Variants in IL1RAPL1 observed in about 807,000 individuals in gnomAD.
IL1RAPL1 encodes interleukin 1 receptor accessory protein like 1, also known as interleukin-1 receptor accessory protein-like 1.
A neutral mutation model predicts 48.4 loss-of-function variants in IL1RAPL1; 3 were observed. The ratio of observed to expected loss-of-function variants is 0.06; its 90% CI spans 0.03 to 0.16. IL1RAPL1 has a LOEUF of 0.16. IL1RAPL1 is among the 10% of genes least tolerant of loss of function. The pLI is 1.00. For synonymous variants in IL1RAPL1, 185 were observed against 187.7 expected (o/e 0.99, Z 0.12); for missense variants, 349 against 530.6 (o/e 0.66, Z 3.36).
intron 2 of IL1RAPL1, among the ~76,000 whole-genome samples, chrX:28,955,537 A>G (rs1199983819): frequency 1.8e-5 from 2 of 109,629 alleles, no homozygotes; most frequent in African/African-American, 6.7e-5. Flanking sequence ...TAAATAGGGA[A>G]TCCTTTCCCC....
chrX:29,480,291 CATATAT>C (rs61703733), intron 5 of IL1RAPL1, among the ~76,000 whole-genome samples: 29 of 76,572 alleles, frequency 3.8e-4, no homozygotes, highest in African/African-American at 1.3e-3. Flanking sequence ...CACACATATA[CATATAT>C]ATATATATAT....
intron 5 of IL1RAPL1, among the ~76,000 whole-genome samples, chrX:29,449,780 C>CACACACACACAGAG (rs557765024): frequency 1.2e-4 from 7 of 58,247 alleles, no homozygotes; most frequent in South Asian, 2.3e-3. Flanking sequence ...CACACACACA[C>CACACACACACAGAG]AGAGAGAGAG....
intron 8 of IL1RAPL1, among the ~76,000 whole-genome samples, chrX:29,940,210 G>GCA (rs1309739807): frequency 3.6e-5 from 4 of 110,180 alleles, no homozygotes; most frequent in African/African-American, 6.6e-5. Context: ...GACATCACCT[G>GCA]CACACACACA....
intron 6 of IL1RAPL1, among the ~76,000 whole-genome samples, chrX:29,816,182 C>A (rs1317947867): frequency 9.0e-6 from 1 of 110,669 alleles, no homozygotes; most frequent in East Asian, 2.8e-4. Flanking sequence ...CTAGTTAGAT[C>A]AACAAAGAAA....
chrX:28,766,539 A>G (rs1283349187), intron 1 of IL1RAPL1, among the ~76,000 whole-genome samples: 1 of 111,646 alleles, frequency 9.0e-6, no homozygotes, highest in Non-Finnish European at 1.9e-5. Flanking sequence ...TGTGTTAAAA[A>G]TAATCCAATT....
intron 2 of IL1RAPL1, among the ~76,000 whole-genome samples, chrX:29,246,635 T>C (rs1403592493): frequency 8.9e-6 from 1 of 112,098 alleles, no homozygotes; most frequent in Admixed American, 9.5e-5. Context: ...CAGAGAATAC[T>C]TTTGCTTTCA....
At chrX:28,849,755 C>T (rs1447142085) in intron 2 of IL1RAPL1, among the ~76,000 whole-genome samples, 1 of 111,770 alleles carries the variant, frequency 8.9e-6, no homozygotes, top group Non-Finnish European at 1.9e-5. Flanking sequence ...TCTTGCTCAT[C>T]TTTATCCCCT....
At chrX:29,758,812 C>G (rs958152581) in intron 6 of IL1RAPL1, among the ~76,000 whole-genome samples, 1 of 110,647 alleles carries the variant, frequency 9.0e-6, no homozygotes, top group Non-Finnish European at 1.9e-5. Context: ...ACAAAACAAA[C>G]AAACAAAAAA....
chrX:29,608,993 T>C (rs1924009676), intron 5 of IL1RAPL1, among the ~76,000 whole-genome samples: 1 of 111,776 alleles, frequency 8.9e-6, no homozygotes, highest in Admixed American at 9.4e-5. Flanking sequence ...CACGCTATAA[T>C]TATCAATATA....
intron 5 of IL1RAPL1, among the ~76,000 whole-genome samples, chrX:29,519,920 C>CCTTG (rs758399993): frequency 8.9e-6 from 1 of 111,884 alleles, no homozygotes; most frequent in East Asian, 2.8e-4. Flanking sequence ...TTTCATGCAT[C>CCTTG]CTTGCCTCAC....
rs536204104 is a variant in IL1RAPL1, at chrX:28,748,248, C to T, written c.-24-41072C>T. ...TTTTGCTGTCCGTAAAATCAAAATACGATGAGAAGCCATATGACAGTAAGA... is the reference window on the plus strand; with the variant it reads ...TTTTGCTGTCCGTAAAATCAAAATATGATGAGAAGCCATATGACAGTAAGA... On this transcript the variant is annotated intron_variant, in intron 1 of 10. Coordinates refer to ENST00000378993, the MANE Select transcript of IL1RAPL1 (RefSeq NM_014271.4). Among the ~76,000 whole-genome samples the T allele has an allele frequency of 1.2e-4, 13 of 111,521 alleles. No individual in the cohort carries two copies. The East Asian group carries it at 1.4e-3, about 12-fold the overall frequency.
intron 6 of IL1RAPL1, among the ~76,000 whole-genome samples, chrX:29,796,138 C>T (rs1245064522): frequency 1.8e-5 from 2 of 111,831 alleles, no homozygotes; most frequent in African/African-American, 6.5e-5. Flanking sequence ...AAACTGTTTT[C>T]CTATAATCAG....
At chrX:29,641,363 T>C (rs185819691) in intron 5 of IL1RAPL1, among the ~76,000 whole-genome samples, 151 of 112,647 alleles carry the variant, frequency 1.3e-3, no homozygotes, top group African/African-American at 4.7e-3. Context: ...GGCCTTTTCA[T>C]TTCTCTTCGA....
At chrX:29,722,514 T>C (rs1927661986) in intron 6 of IL1RAPL1, among the ~76,000 whole-genome samples, 1 of 112,030 alleles carries the variant, frequency 8.9e-6, no homozygotes, top group African/African-American at 3.2e-5. Context: ...TTTAACCCAA[T>C]TTTGAGTGAT....
At chrX:29,425,379 A>C (rs1934338424) in intron 5 of IL1RAPL1, among the ~76,000 whole-genome samples, 1 of 111,254 alleles carries the variant, frequency 9.0e-6, no homozygotes, top group African/African-American at 3.3e-5. Context: ...GGAGCTAGTC[A>C]AGACAGAAGG....
At chrX:29,083,120 A>AG (rs1054878688) in intron 2 of IL1RAPL1, among the ~76,000 whole-genome samples, 9 of 111,920 alleles carry the variant, frequency 8.0e-5, no homozygotes, top group African/African-American at 2.9e-4. Context: ...TTTCATGGAA[A>AG]TCAGTGACAG....
intron 6 of IL1RAPL1, among the ~76,000 whole-genome samples, chrX:29,865,789 A>C (rs1256183075): frequency 7.3e-4 from 75 of 102,634 alleles, no homozygotes; most frequent in Middle Eastern, 4.9e-3. Flanking sequence ...GGTGCACGCC[A>C]CCACGCCTGG....
rs138578399 is a variant in IL1RAPL1, at chrX:29,947,213, A to C, written c.1201+5419A>C. 8.3e-3 allele frequency among the ~76,000 whole-genome samples: 931 copies of C among 111,885 alleles called. 7 individuals carry two copies. Among genetic ancestry groups the C allele is most frequent in the African/African-American group, 0.029 (879 of 30,825 alleles). On this transcript the variant is annotated intron_variant, in intron 9 of 10. Transcript: ENST00000378993. ...TTTTAAAAAACAATACAGACATCAC[A>C]ACAGTGTTAGACTCCTTTGCTCCTC... is the stretch of plus-strand genomic sequence containing the variant.
At chrX:29,152,890 TTTGA>T (rs1301957129) in intron 2 of IL1RAPL1, among the ~76,000 whole-genome samples, 2 of 112,270 alleles carry the variant, frequency 1.8e-5, no homozygotes, top group Non-Finnish European at 3.8e-5. Flanking sequence ...TAAAATATTC[TTTGA>T]TTGGGTTGTT....
Sources: allele counts gnomAD v4.1 joint callset (sites outside exome capture counted in the v4.1 genomes callset), GRCh38; gene constraint gnomAD v4.1.1; transcripts MANE v1.5; gene names NCBI Gene and HGNC (gene_info 2026-07-23, HGNC 2026-07-21).